RAB30: variants seen among roughly 807,000 people sequenced by gnomAD.
RAB30 encodes the protein ras-related protein Rab-30.
RAB30 carries 9 observed loss-of-function variants against 25.1 expected under a neutral mutation model. The ratio of observed to expected loss-of-function variants is 0.36; its 90% CI spans 0.22 to 0.63. The LOEUF is 0.63. Among genes scored for constraint, RAB30 ranks in the 20% least tolerant of loss-of-function variants. The probability of loss-of-function intolerance (pLI) is 0.69; values close to 1 mark genes in which losing one functional copy is unlikely to be tolerated. For synonymous variants in RAB30, 77 were observed against 86.4 expected (o/e 0.89, Z 0.60); for missense variants, 140 against 243.5 (o/e 0.58, Z 2.83).
chr11:83,036,142 G>A (rs1380342537), intron 1 of RAB30, among the ~76,000 whole-genome samples: 1 of 151,492 alleles, frequency 6.6e-6, no homozygotes, highest in Admixed American at 6.6e-5. Flanking sequence ...AGTCACACAG[G>A]AAGTGGCAAA....
intron 1 of RAB30, among the ~76,000 whole-genome samples, chr11:83,064,140 A>G (rs1044974534): frequency 5.1e-5 from 7 of 138,210 alleles, no homozygotes; most frequent in African/African-American, 1.7e-4. Flanking sequence ...TTTTTTTAAG[A>G]CAAGGTCTCA....
intron 4 of RAB30, among the ~76,000 whole-genome samples, chr11:82,983,709 C>T (rs140559388): frequency 0.016 from 2,401 of 152,162 alleles, 66 homozygotes; most frequent in African/African-American, 0.055. Flanking sequence ...GCTGGGATTA[C>T]ACGCAATTGA....
chr11:83,013,995 A>C (rs11233415), intron 1 of RAB30, among the ~76,000 whole-genome samples: 43,853 of 152,122 alleles, frequency 0.29, 6,855 homozygotes, highest in East Asian at 0.37. Flanking sequence ...ATACATTTGT[A>C]CTGGGCATCT....
chr11:83,057,367 G>A (rs1339096409), intron 1 of RAB30, among the ~76,000 whole-genome samples: 1 of 152,138 alleles, frequency 6.6e-6, no homozygotes, highest in Non-Finnish European at 1.5e-5. Context: ...TCCAATTCCT[G>A]TAGGACATGA....
chr11:82,991,506 CAAAAAA>C (rs35298951), intron 3 of RAB30, among the ~76,000 whole-genome samples: 4 of 65,870 alleles, frequency 6.1e-5, no homozygotes, highest in East Asian at 9.8e-4. Flanking sequence ...GACCCTTTCT[CAAAAAA>C]AAAAAAAAAA....
At chr11:83,022,230 G>T (rs1322845136) in intron 1 of RAB30, among the ~76,000 whole-genome samples, 2 of 152,124 alleles carry the variant, frequency 1.3e-5, no homozygotes, top group Non-Finnish European at 2.9e-5. Context: ...ACGATCACAT[G>T]GCCAGTGAAG....
intron 1 of RAB30, among the ~76,000 whole-genome samples, chr11:82,997,878 A>G (rs943629001): frequency 6.6e-6 from 1 of 152,078 alleles, no homozygotes; most frequent in Non-Finnish European, 1.5e-5. Flanking sequence ...TATCTCCTAT[A>G]CATCTCCTGC....
intron 1 of RAB30, among the ~76,000 whole-genome samples, chr11:83,023,686 C>T (rs566571250): frequency 1.3e-5 from 2 of 152,270 alleles, no homozygotes; most frequent in African/African-American, 4.8e-5. Flanking sequence ...CCTACAATGG[C>T]TTCCCATTTC....
At chr11:83,011,845 CCTT>C (rs981833105) in intron 1 of RAB30, among the ~76,000 whole-genome samples, 5 of 152,246 alleles carry the variant, frequency 3.3e-5, no homozygotes, top group South Asian at 4.1e-4. Context: ...TGCAGGCTGT[CCTT>C]CTTCCATTCT....
intron 3 of RAB30, among the ~76,000 whole-genome samples, chr11:82,991,734 C>G (rs1023784653): frequency 6.6e-6 from 1 of 152,082 alleles, no homozygotes; most frequent in Non-Finnish European, 1.5e-5. Context: ...CCAACTGTCA[C>G]TTTTTATAGA....
At chr11:83,008,230 C>A (rs1372586880) in intron 1 of RAB30, among the ~76,000 whole-genome samples, 2 of 152,140 alleles carry the variant, frequency 1.3e-5, no homozygotes, top group African/African-American at 4.8e-5. Flanking sequence ...GGTCCTCTGC[C>A]CCGGAGATCA....
chr11:83,027,852 C>G (rs1194994473), intron 1 of RAB30, among the ~76,000 whole-genome samples: 2 of 152,118 alleles, frequency 1.3e-5, no homozygotes, highest in South Asian at 2.1e-4. Flanking sequence ...ATTTTTTTGT[C>G]TGTATAGATT....
intron 1 of RAB30, among the ~76,000 whole-genome samples, chr11:82,999,730 G>A (rs935759197): frequency 7.3e-5 from 11 of 151,624 alleles, no homozygotes; most frequent in Non-Finnish European, 1.3e-4. Flanking sequence ...ACTGAACCTC[G>A]CACCCTCCCC....
rs117864184 is a variant in RAB30 at position 83,023,811 on chromosome 11, G to A, written c.-8-26487C>T. Among the ~76,000 whole-genome samples the A allele has an allele frequency of 4.2e-3, 638 of 152,120 alleles. 14 individuals are homozygous for A. The highest frequency in any genetic ancestry group is 0.036 in the East Asian group (184 of 5,178). On this transcript the variant is annotated intron_variant, in intron 1 of 4. Coordinates refer to ENST00000527633, the MANE Select transcript of RAB30 (RefSeq NM_001286060.2). ...AGTAACAGTGAATTCCCCGTGATAC[G>A]TCTCACCTCCATGCTTCAGCCCATG...
At position 83,042,029 on chromosome 11, in the gene RAB30, C is replaced by CAA. The variant is rs61607477; in HGVS notation, c.-9+29660_-9+29661dup. ...TGGGCAACAGAGTGAGACTCTGTCT[C>CAA]AAAAAAAAAAAAAAAAAAATTAGTT... On this transcript the variant is annotated intron_variant, in intron 1 of 4. Coordinates refer to ENST00000527633, the MANE Select transcript of RAB30 (RefSeq NM_001286060.2). Among the ~76,000 whole-genome samples, 75 of 95,136 alleles carry CAA rather than the reference C, an allele frequency of 7.9e-4. 1 individual carries two copies. The highest frequency in any genetic ancestry group is 1.8e-3 in the East Asian group (6 of 3,246). 62.4% of individuals were successfully genotyped at this position (95,136 alleles called of 152,430 possible).
At chr11:83,053,503 G>C (rs1263771070) in intron 1 of RAB30, among the ~76,000 whole-genome samples, 1 of 151,862 alleles carries the variant, frequency 6.6e-6, no homozygotes, top group African/African-American at 2.4e-5. Flanking sequence ...CCAGTGTCTT[G>C]GCAATTTCAC....
At chr11:83,045,624 T>C (rs1208503895) in intron 1 of RAB30, among the ~76,000 whole-genome samples, 2 of 152,204 alleles carry the variant, frequency 1.3e-5, no homozygotes, top group African/African-American at 4.8e-5. Flanking sequence ...TACCACTTAT[T>C]GGCTTGGTGG....
intron 1 of RAB30, among the ~76,000 whole-genome samples, chr11:83,055,984 T>C (rs1235976019): frequency 5.3e-5 from 8 of 152,272 alleles, no homozygotes; most frequent in Non-Finnish European, 2.9e-5. Flanking sequence ...TTTGCTATAG[T>C]AGCACAAATG....
chr11:82,990,792 T>A (rs1760385296), intron 3 of RAB30, among the ~76,000 whole-genome samples: 1 of 152,194 alleles, frequency 6.6e-6, no homozygotes, highest in South Asian at 2.1e-4. Flanking sequence ...AAAACATACA[T>A]AAAATTTATC....
Sources: allele counts gnomAD v4.1 joint callset (sites outside exome capture counted in the v4.1 genomes callset), GRCh38; gene constraint gnomAD v4.1.1; transcripts MANE v1.5; gene names NCBI Gene and HGNC (gene_info 2026-07-23, HGNC 2026-07-21).